Variants in LUZP2 observed in about 807,000 individuals in gnomAD.
LUZP2 encodes the protein leucine zipper protein 2.
LUZP2 carries 52 observed loss-of-function variants against 51.6 expected under a neutral mutation model. The ratio of observed to expected loss-of-function variants is 1.01; its 90% CI spans 0.81 to 1.27. The LOEUF (loss-of-function observed/expected upper bound fraction) is 1.27. Ranked by LOEUF, LUZP2 falls within the 50% of genes most tolerant of loss-of-function variation. LUZP2 has a pLI of 0.00. For synonymous variants in LUZP2, 154 were observed against 137.3 expected (o/e 1.12, Z -0.85); for missense variants, 436 against 395.4 (o/e 1.10, Z -0.87).
intron 10 of LUZP2, among the ~76,000 whole-genome samples, chr11:25,051,843 G>T (rs137876843): frequency 6.6e-6 from 1 of 152,248 alleles, no homozygotes; most frequent in South Asian, 2.1e-4. Flanking sequence ...TGTGTGGTTT[G>T]CTAGGATTCC....
chr11:24,740,880 T>C lies in LUZP2; in HGVS notation c.333+2578T>C, dbSNP rs528673935. 1.2e-4 allele frequency among the ~76,000 whole-genome samples: 19 copies of C among 152,224 alleles called. No individual in the cohort carries two copies. In the South Asian group the frequency reaches 3.9e-3, roughly 32 times the overall value. On this transcript the variant is annotated intron_variant, in intron 4 of 11. Transcript: ENST00000336930. ...TGTAACAGGTTATTTGGTGGTTATA[T>C]GAGATGATGCATGCACTGTTGAGCA...
chr11:24,926,483 GTATA>G (rs202180390), intron 7 of LUZP2, among the ~76,000 whole-genome samples: 1 of 102,912 alleles, frequency 9.7e-6, no homozygotes, highest in Non-Finnish European at 2.0e-5. Flanking sequence ...ATATGTGTGT[GTATA>G]TATATGTGTA....
At chr11:25,042,205 G>C (rs1366178182) in intron 9 of LUZP2, among the ~76,000 whole-genome samples, 3 of 144,660 alleles carry the variant, frequency 2.1e-5, no homozygotes, top group South Asian at 2.3e-4. Flanking sequence ...GACCACTTAT[G>C]TAATATGCAT....
chr11:24,946,714 A>G (rs907006132), intron 7 of LUZP2, among the ~76,000 whole-genome samples: 17 of 151,902 alleles, frequency 1.1e-4, no homozygotes, highest in African/African-American at 4.1e-4. Flanking sequence ...ATGTAGAGTA[A>G]GTGCATAATT....
chr11:24,918,336 C>T (rs1021767647), intron 7 of LUZP2, among the ~76,000 whole-genome samples: 1 of 151,948 alleles, frequency 6.6e-6, no homozygotes, highest in African/African-American at 2.4e-5. Flanking sequence ...TTTCTTTCTC[C>T]TGCCTGATTG....
chr11:25,001,513 A>G (rs1856680948), intron 9 of LUZP2, among the ~76,000 whole-genome samples: 1 of 152,176 alleles, frequency 6.6e-6, no homozygotes, highest in African/African-American at 2.4e-5. Flanking sequence ...TAGGAAAGCT[A>G]TGGGTTGTCA....
chr11:24,902,147 A>T (rs1020774157), intron 5 of LUZP2, among the ~76,000 whole-genome samples: 5 of 152,192 alleles, frequency 3.3e-5, no homozygotes, highest in Admixed American at 6.5e-5. Context: ...AACATCTAAT[A>T]ATAGTAATTA....
At chr11:24,601,930 G>GTA (rs1565019734) in intron 1 of LUZP2, among the ~76,000 whole-genome samples, 20 of 120,400 alleles carry the variant, frequency 1.7e-4, no homozygotes, top group African/African-American at 5.3e-4. Flanking sequence ...GTATATATAT[G>GTA]TATATATGTA....
intron 5 of LUZP2, among the ~76,000 whole-genome samples, chr11:24,850,973 A>G (rs1281574521): frequency 2.0e-5 from 3 of 152,146 alleles, no homozygotes; most frequent in Non-Finnish European, 4.4e-5. Flanking sequence ...TTATCCTTAG[A>G]CTTTGCTGAA....
intron 5 of LUZP2, among the ~76,000 whole-genome samples, chr11:24,842,043 G>T (rs369538185): frequency 6.6e-6 from 1 of 151,488 alleles, no homozygotes; most frequent in East Asian, 1.9e-4. Flanking sequence ...CTTTAAAATA[G>T]AAATATATAA....
chr11:25,018,563 T>G (rs1005231357), intron 9 of LUZP2, among the ~76,000 whole-genome samples: 5 of 151,942 alleles, frequency 3.3e-5, no homozygotes, highest in Non-Finnish European at 7.4e-5. Flanking sequence ...TTTTAGTCTT[T>G]GAGCTATAAT....
intron 9 of LUZP2, among the ~76,000 whole-genome samples, chr11:25,014,120 G>T (rs1857067953): frequency 6.6e-6 from 1 of 152,150 alleles, no homozygotes; most frequent in Non-Finnish European, 1.5e-5. Flanking sequence ...TGGTGTATAT[G>T]TGCCACATTT....
At chr11:25,041,255 A>G (rs1858048369) in intron 9 of LUZP2, among the ~76,000 whole-genome samples, 1 of 152,166 alleles carries the variant, frequency 6.6e-6, no homozygotes, top group African/African-American at 2.4e-5. Context: ...ATAAAGTTTA[A>G]CTTATAAATT....
At chr11:25,002,085 G>T (rs925301674) in intron 9 of LUZP2, among the ~76,000 whole-genome samples, 3 of 152,228 alleles carry the variant, frequency 2.0e-5, no homozygotes, top group African/African-American at 7.2e-5. Context: ...TGGGCATGAA[G>T]GATTAGATAA....
intron 5 of LUZP2, among the ~76,000 whole-genome samples, chr11:24,883,364 A>G (rs1046280691): frequency 7.2e-6 from 1 of 139,390 alleles, no homozygotes; most frequent in African/African-American, 3.4e-5. Flanking sequence ...CAATCAACTC[A>G]AACTGACTAT....
intron 5 of LUZP2, among the ~76,000 whole-genome samples, chr11:24,810,771 A>C (rs899233689): frequency 6.6e-6 from 1 of 152,144 alleles, no homozygotes; most frequent in Non-Finnish European, 1.5e-5. Context: ...TTAGGTCATA[A>C]AGGAAGTAAA....
At chr11:24,769,651 T>C (rs1590487002) in intron 5 of LUZP2, among the ~76,000 whole-genome samples, 1 of 147,398 alleles carries the variant, frequency 6.8e-6, no homozygotes, top group Admixed American at 6.7e-5. Context: ...ATGGAGGAGA[T>C]GGGGCAGATA....
chr11:25,075,197 T>C, intron 10 of LUZP2, among the ~76,000 whole-genome samples: 1 of 152,164 alleles, frequency 6.6e-6, no homozygotes, highest in African/African-American at 2.4e-5. Flanking sequence ...AGAAGATTCC[T>C]CTATGTATAT....
chr11:24,776,447 C>T (rs553666941), intron 5 of LUZP2, among the ~76,000 whole-genome samples: 1 of 152,104 alleles, frequency 6.6e-6, no homozygotes, highest in African/African-American at 2.4e-5. Flanking sequence ...ACACAGATTT[C>T]CCACAGGAAA....
Sources: allele counts gnomAD v4.1 joint callset (sites outside exome capture counted in the v4.1 genomes callset), GRCh38; gene constraint gnomAD v4.1.1; transcripts MANE v1.5; gene names NCBI Gene and HGNC (gene_info 2026-07-23, HGNC 2026-07-21).